The following PNKD variants were observed in gnomAD, a reference collection of about 807,000 sequenced individuals.
PNKD encodes probable thioesterase PNKD.
Under a neutral mutation model 45.3 loss-of-function variants are expected in PNKD, and 36 were observed. The ratio of observed to expected loss-of-function variants is 0.80; its 90% CI spans 0.61 to 1.05. The LOEUF (loss-of-function observed/expected upper bound fraction) is 1.05. Ranked by LOEUF, PNKD falls within the 50% of genes least tolerant of loss-of-function variation. PNKD has a pLI of 0.00. For synonymous variants in PNKD, 197 were observed against 210.1 expected (o/e 0.94, Z 0.54); for missense variants, 511 against 506.6 (o/e 1.01, Z -0.08).
At chr2:218,276,193 C>T (rs1396116863) in intron 2 of PNKD, 6 of 1,150,506 alleles carry the variant, frequency 5.2e-6, no homozygotes, top group Non-Finnish European at 7.6e-6. Flanking sequence ...GGGAAGCTAG[C>T]TCTCCATGAA....
intron 2 of PNKD, among the ~76,000 whole-genome samples, chr2:218,285,073 G>C (rs1363886955): frequency 2.0e-5 from 3 of 152,250 alleles, no homozygotes; most frequent in African/African-American, 7.2e-5. Flanking sequence ...CTGGGTGACA[G>C]AGTGAGACTT....
intron 2 of PNKD, among the ~76,000 whole-genome samples, chr2:218,295,295 A>G (rs532437662): frequency 6.6e-6 from 1 of 152,352 alleles, no homozygotes; most frequent in East Asian, 1.9e-4. Context: ...TAGAAATGAG[A>G]AGGCTGAAAG....
At chr2:218,279,356 G>A (rs112762478) in intron 2 of PNKD, 1 of 1,566,406 alleles carries the variant, frequency 6.4e-7, no homozygotes, top group Non-Finnish European at 8.6e-7. Context: ...GAGTAAACCT[G>A]GACACAGACG....
intron 2 of PNKD, among the ~76,000 whole-genome samples, chr2:218,292,871 G>A (rs1693025866): frequency 1.3e-5 from 2 of 152,100 alleles, no homozygotes; most frequent in African/African-American, 4.8e-5. Flanking sequence ...ATGGTGTTTT[G>A]TTTACTGCCC....
chr2:218,280,843 G>A (rs1349571566), intron 2 of PNKD: 1 of 137,748 alleles, frequency 7.3e-6, no homozygotes, highest in Non-Finnish European at 1.5e-5. Context: ...TGGAGTTTCG[G>A]TCTTGTTGCC....
Position 218,344,477 on chromosome 2 carries a change from C to T in PNKD, c.891C>T (p.Asn297=), listed in dbSNP as rs1694770856. The stretch of plus-strand genomic sequence containing the variant: ...TAGGTCATGAGTATGCAGAGGAGAA[C>T]CTGGGCTTTGCAGGTGTGGTGGAGC... The part of the protein sequence containing the change: ...LWPGHEYAEE[N]LGFAGVVEPE... The change falls in exon 9 of 10, where the codon AAC becomes AAT. Residue 297 remains asparagine (N), a synonymous_variant. Coordinates refer to ENST00000273077, the MANE Select transcript of PNKD (RefSeq NM_015488.5). 1.3e-6 allele frequency: 2 copies of T among 1,585,028 alleles called. No individual in the cohort carries two copies. The highest frequency in any genetic ancestry group is 1.3e-5 in the African/African-American group (1 of 74,452).
chr2:218,344,727 G>C, intron 9 of PNKD, 81 bp from the exon 10 acceptor site: 1 of 1,478,284 alleles, frequency 6.8e-7, no homozygotes, highest in Non-Finnish European at 9.5e-7. Context: ...TCCAGGATGG[G>C]GCAGGGGTCG....
intron 2 of PNKD, among the ~76,000 whole-genome samples, chr2:218,321,317 T>C (rs1197543771): frequency 1.3e-5 from 2 of 152,202 alleles, no homozygotes; most frequent in African/African-American, 4.8e-5. Flanking sequence ...TCCTGCATCC[T>C]ACAAGGGTCA....
intron 2 of PNKD, chr2:218,327,966 A>G (rs1457416983): frequency 4.3e-5 from 2 of 46,528 alleles, no homozygotes; most frequent in Non-Finnish European, 1.7e-4. Context: ...CCATCTGAAA[A>G]AAAAAAAAAA....
chr2:218,279,333 C>A, intron 2 of PNKD: 1 of 1,586,940 alleles, frequency 6.3e-7, no homozygotes, highest in Non-Finnish European at 8.6e-7. Context: ...TGAGCAGCTG[C>A]ACGGAGATGA....
At chr2:218,317,492 T>C (rs982492502) in intron 2 of PNKD, among the ~76,000 whole-genome samples, 2 of 151,878 alleles carry the variant, frequency 1.3e-5, no homozygotes, top group Non-Finnish European at 2.9e-5. Flanking sequence ...TGAGGAGGGG[T>C]GGAAAGAAGT....
At chr2:218,306,130 G>A (rs1000178701) in intron 2 of PNKD, among the ~76,000 whole-genome samples, 3 of 152,166 alleles carry the variant, frequency 2.0e-5, no homozygotes, top group African/African-American at 7.2e-5. Context: ...GCTGGCAGAC[G>A]GGACACATGT....
At chr2:218,292,019 C>T (rs1176959363) in intron 2 of PNKD, among the ~76,000 whole-genome samples, 1 of 151,896 alleles carries the variant, frequency 6.6e-6, no homozygotes, top group Non-Finnish European at 1.5e-5. Flanking sequence ...ACCTGGGGTC[C>T]GTGCCAGGCC....
chr2:218,344,256 A>G (rs1694763655), intron 8 of PNKD, among the ~76,000 whole-genome samples, 199 bp from the exon 9 acceptor site: 1 of 152,132 alleles, frequency 6.6e-6, no homozygotes, highest in Non-Finnish European at 1.5e-5. Flanking sequence ...CCCTGGAACT[A>G]TTGCCACCTT....
At chr2:218,331,528 T>A (rs542450528) in intron 2 of PNKD, among the ~76,000 whole-genome samples, 1 of 152,308 alleles carries the variant, frequency 6.6e-6, no homozygotes, top group African/African-American at 2.4e-5. Flanking sequence ...TGGAGCGCAG[T>A]GGCACAATCT....
intron 1 of PNKD, 65 bp downstream of exon 1, chr2:218,270,667 G>A: frequency 4.1e-6 from 2 of 483,806 alleles, no homozygotes; most frequent in Non-Finnish European, 3.5e-6. Flanking sequence ...CGTCCAGCCC[G>A]ACGATAGCAG....
chr2:218,329,607 C>A (rs767975282), intron 2 of PNKD, among the ~76,000 whole-genome samples: 18 of 152,206 alleles, frequency 1.2e-4, no homozygotes, highest in Non-Finnish European at 2.4e-4. Flanking sequence ...TGGGGAAGAA[C>A]CTGTCCTGGG....
chr2:218,308,465 G>T (rs1292802907), intron 2 of PNKD, among the ~76,000 whole-genome samples: 1 of 151,898 alleles, frequency 6.6e-6, no homozygotes, highest in African/African-American at 2.4e-5. Context: ...GGGATTACAG[G>T]CACGAGCCAC....
intron 2 of PNKD, among the ~76,000 whole-genome samples, chr2:218,302,913 G>A (rs750329516): frequency 3.3e-5 from 5 of 151,896 alleles, no homozygotes; most frequent in Non-Finnish European, 1.5e-5. Flanking sequence ...TTACCTAAAG[G>A]CCTGGAGGTT....
Sources: allele counts gnomAD v4.1 joint callset (sites outside exome capture counted in the v4.1 genomes callset), GRCh38; gene constraint gnomAD v4.1.1; transcripts MANE v1.5; gene names NCBI Gene and HGNC (gene_info 2026-07-23, HGNC 2026-07-21).